PHACTR4: variants seen among roughly 807,000 people sequenced by gnomAD.
The protein encoded by PHACTR4 is protein phosphatase 1, regulatory subunit 124.
A neutral mutation model predicts 72.7 loss-of-function variants in PHACTR4; 51 were observed. The observed-to-expected ratio is 0.70, with a 90% confidence interval of 0.56 to 0.89. The LOEUF (loss-of-function observed/expected upper bound fraction) is 0.89. PHACTR4 is among the 40% of genes least tolerant of loss of function. PHACTR4 has a pLI of 0.00. For missense variants in PHACTR4, 731 were observed against 861.8 expected (o/e 0.85, Z 1.90); for synonymous variants, 255 against 302.5 (o/e 0.84, Z 1.63).
At chr1:28,492,653 G>T (rs561376602) in intron 12 of PHACTR4, among the ~76,000 whole-genome samples, 1 of 152,062 alleles carries the variant, frequency 6.6e-6, no homozygotes, top group African/African-American at 2.4e-5. Flanking sequence ...CCAGCTATTC[G>T]GGAGGCTGAG....
In PHACTR4 at chr1:28,484,488, ATGTG is replaced by A. The variant is rs201068512; in HGVS notation, c.1760+3888_1760+3891del. Among the ~76,000 whole-genome samples the A allele has an allele frequency of 8.7e-3, 1,325 of 151,470 alleles. 17 individuals carry two copies. The highest frequency in any genetic ancestry group is 0.03 in the African/African-American group (1,224 of 41,204). ...AATATATGTGTGTATGTGTATATAT[ATGTG>A]TGTATGTGTATATATATGTGTGTAT... On this transcript the variant is annotated intron_variant, in intron 9 of 13. Transcript: ENST00000373839.
At chr1:28,424,059 G>A (rs1295506696) in intron 2 of PHACTR4, among the ~76,000 whole-genome samples, 6 of 152,066 alleles carry the variant, frequency 3.9e-5, no homozygotes, top group Non-Finnish European at 7.4e-5. Flanking sequence ...CATAAATCAA[G>A]GAGAGAAGAA....
chr1:28,473,556 G>T lies in PHACTR4; in HGVS notation c.826G>T (p.Glu276Ter). The T allele has an allele frequency of 6.3e-7, 1 of 1,596,988 alleles. No individual in the cohort carries two copies. The highest frequency in any genetic ancestry group is 1.1e-5 in the South Asian group (1 of 90,208). ...ATGTGTTGCTCTCTCTTTTCCAGCTGAACTGTCCCAAGCAATAAACAGTGG... is the reference window on the plus strand; with the variant it reads ...ATGTGTTGCTCTCTCTTTTCCAGCTTAACTGTCCCAAGCAATAAACAGTGG... ...AHRNSNPVIA[E>*]LSQAINSGTL... Residue 276 changes from glutamate to a stop codon, truncating the protein, a stop_gained and splice_region_variant, in exon 7 of 14, where the codon GAA (glutamate) becomes TAA (stop). Coordinates refer to ENST00000373839, the MANE Select transcript of PHACTR4 (RefSeq NM_001048183.3). LOFTEE classifies it high-confidence loss of function.
At chr1:28,474,239 G>C in intron 7 of PHACTR4, 88 bp downstream of exon 7, 5 of 1,283,624 alleles carry the variant, frequency 3.9e-6, no homozygotes, top group Non-Finnish European at 5.4e-6. Flanking sequence ...GAAAATGTGG[G>C]CCGGGCCTAG....
intron 2 of PHACTR4, among the ~76,000 whole-genome samples, chr1:28,458,108 T>TTG (rs539564108): frequency 0.12 from 14,154 of 120,172 alleles, 713 homozygotes; most frequent in East Asian, 0.16. Flanking sequence ...GTGTGTGTGT[T>TTG]TGTGTGTGTG....
chr1:28,389,477 CTTT>C (rs557958697), intron 1 of PHACTR4, among the ~76,000 whole-genome samples: 7 of 129,792 alleles, frequency 5.4e-5, no homozygotes, highest in Admixed American at 7.8e-5. Flanking sequence ...TTGTATACTA[CTTT>C]TTTTTTTTTT....
Position 28,465,792 on chromosome 1 carries a change from G to C in PHACTR4, c.379G>C (p.Val127Leu). The C allele has an allele frequency of 1.9e-6, 3 of 1,604,598 alleles. No homozygotes were observed. The highest frequency in any genetic ancestry group is 2.6e-6 in the Non-Finnish European group (3 of 1,174,874). ...TCCAGTCCAAGTAGAGGAAGAGCCA[G>C]TAAGATTAGCAAGTCTTAGGAAAGC... ...SSPVQVEEEP[V>L]RLASLRKAIP... Residue 127 changes from valine to leucine, a missense_variant, in exon 5 of 14, where the codon GTA (valine) becomes CTA (leucine). Physicochemically the swap from Val to Leu is conservative, Grantham distance 32. Coordinates refer to ENST00000373839, the MANE Select transcript of PHACTR4 (RefSeq NM_001048183.3).
chr1:28,490,934 C>A lies in PHACTR4; in HGVS notation c.1817-17C>A. Reference sequence around the variant, plus strand: ...CATTTGTGAGTAATATTCCTTCCTTCTGATTGTCAACTGTAGCTAAAAATG... The same window carrying A: ...CATTTGTGAGTAATATTCCTTCCTTATGATTGTCAACTGTAGCTAAAAATG... On this transcript the variant is annotated splice_polypyrimidine_tract_variant and intron_variant, in intron 10 of 13. Transcript: ENST00000373839. 1.2e-6 allele frequency: 2 copies of A among 1,610,390 alleles called. No individual in the cohort carries two copies. The highest frequency in any genetic ancestry group is 1.7e-6 in the Non-Finnish European group (2 of 1,176,802).
At position 28,493,068 on chromosome 1, in the gene PHACTR4, T is replaced by TGAA. The variant is rs1426045573; in HGVS notation, c.2073_2075dup (p.Glu692dup). ...TTAAAAGCTCCGAGATGGAGGTTCA[T>TGAA]GAAGAGAGCAAACATTTTACACGGT... On this transcript the variant is annotated inframe_insertion, in exon 13 of 14. Coordinates refer to ENST00000373839, the MANE Select transcript of PHACTR4 (RefSeq NM_001048183.3). 3 of 1,613,350 alleles carry TGAA rather than the reference T, an allele frequency of 1.9e-6. No individual in the cohort carries two copies. The highest frequency in any genetic ancestry group is 2.5e-6 in the Non-Finnish European group (3 of 1,179,284).
chr1:28,492,757 C>T (rs1379093282), intron 12 of PHACTR4, among the ~76,000 whole-genome samples: 6 of 152,190 alleles, frequency 3.9e-5, no homozygotes, highest in Admixed American at 2.0e-4. Context: ...GAGATTCCAT[C>T]TCAGGGAAAA....
Position 28,407,483 on chromosome 1 carries a change from T to C in PHACTR4, c.16+20T>C. Reference sequence around the variant, plus strand: ...CATTTGGTGAGTATCACCTACATTGTTCTTAGTAAATGACATTTCTGTTTT... The same window carrying C: ...CATTTGGTGAGTATCACCTACATTGCTCTTAGTAAATGACATTTCTGTTTT... On this transcript the variant is annotated intron_variant, in intron 2 of 13. Transcript: ENST00000373839. The C allele has an allele frequency of 6.3e-7, 1 of 1,596,908 alleles. No individual in the cohort carries two copies.
At chr1:28,423,505 C>A (rs1004447597) in intron 2 of PHACTR4, among the ~76,000 whole-genome samples, 1 of 152,092 alleles carries the variant, frequency 6.6e-6, no homozygotes, top group African/African-American at 2.4e-5. Flanking sequence ...TAATAATGCT[C>A]CATGTAGCAT....
chr1:28,471,468 A>G (rs1389850677), intron 6 of PHACTR4, among the ~76,000 whole-genome samples: 1 of 152,104 alleles, frequency 6.6e-6, no homozygotes, highest in African/African-American at 2.4e-5. Flanking sequence ...ACTGAGTGGG[A>G]TGAAACTAAA....
At chr1:28,455,198 C>CTTTTTTTTTTTTTTTTTTTTTTTTTTT in intron 2 of PHACTR4, among the ~76,000 whole-genome samples, 1 of 85,972 alleles carries the variant, frequency 1.2e-5, no homozygotes, top group Non-Finnish European at 2.1e-5. Flanking sequence ...TTCTTTCTTT[C>CTTTTTTTTTTTTTTTTTTTTTTTTTTT]TTTTTTTTTT....
chr1:28,469,429 AT>A (rs1659422306), intron 6 of PHACTR4, among the ~76,000 whole-genome samples: 1 of 152,240 alleles, frequency 6.6e-6, no homozygotes, highest in Non-Finnish European at 1.5e-5. Context: ...AAAGGGAATT[AT>A]TACCCATCCC....
chr1:28,411,902 A>G, intron 2 of PHACTR4, among the ~76,000 whole-genome samples: 1 of 151,852 alleles, frequency 6.6e-6, no homozygotes, highest in South Asian at 2.1e-4. Flanking sequence ...CGAATGAACA[A>G]AAGAAAGAAA....
At chr1:28,412,503 A>G (rs888856466) in intron 2 of PHACTR4, among the ~76,000 whole-genome samples, 4 of 152,180 alleles carry the variant, frequency 2.6e-5, no homozygotes, top group Non-Finnish European at 5.9e-5. Flanking sequence ...TGCTTTATCA[A>G]GGACATTCTT....
chr1:28,395,956 G>A (rs561732957), intron 1 of PHACTR4, among the ~76,000 whole-genome samples: 3 of 143,586 alleles, frequency 2.1e-5, no homozygotes, highest in Admixed American at 1.4e-4. Context: ...GAGCCACCAC[G>A]CCCGGCCAAC....
chr1:28,443,134 G>C (rs923200265), intron 2 of PHACTR4, among the ~76,000 whole-genome samples: 1 of 151,962 alleles, frequency 6.6e-6, no homozygotes, highest in African/African-American at 2.4e-5. Context: ...ACTCCTATGA[G>C]ATCAACTTTT....
Sources: gnomAD v4.1 joint callset for allele counts (sites outside exome capture counted in the v4.1 genomes callset) on GRCh38, gnomAD v4.1.1 for gene constraint, MANE v1.5 for transcripts, NCBI Gene and HGNC (gene_info 2026-07-23, HGNC 2026-07-21) for gene names.